MTFMT: variants seen among roughly 807,000 people sequenced by gnomAD.
The protein encoded by MTFMT is methionyl-tRNA formyltransferase, mitochondrial.
Under a neutral mutation model 51.8 loss-of-function variants are expected in MTFMT, and 47 were observed. The ratio of observed to expected loss-of-function variants is 0.91; its 90% confidence interval spans 0.72 to 1.16. The LOEUF is 1.16. Ranked by LOEUF, MTFMT falls within the 50% of genes most tolerant of loss-of-function variation. The pLI, the probability that MTFMT is intolerant of heterozygous loss-of-function variation, is 0.00. For missense variants in MTFMT, 512 were observed against 482.3 expected, an observed-to-expected ratio of 1.06 and a Z score of -0.58; for synonymous variants, 196 against 176.7, an observed-to-expected ratio of 1.11 and a Z score of -0.87.
At chr15:65,008,547 A>G (rs958166959) in intron 6 of MTFMT, among the ~76,000 whole-genome samples, 2 of 152,240 alleles carry the variant, frequency 1.3e-5, no homozygotes, top group African/African-American at 4.8e-5. Flanking sequence ...CCAGCTAGTT[A>G]GTAGCAAAGC....
chr15:65,026,729 TATTAC>T, intron 2 of MTFMT, 97 bp downstream of exon 2: 1 of 915,520 alleles, frequency 1.1e-6, no homozygotes, highest in Non-Finnish European at 1.6e-6. Flanking sequence ...AAAAAGAAAA[TATTAC>T]AGAAAGCATA....
chr15:65,020,531 T>A (rs1219997507), intron 4 of MTFMT, among the ~76,000 whole-genome samples: 11 of 152,238 alleles, frequency 7.2e-5, no homozygotes. Flanking sequence ...GTAGAGATTC[T>A]GCTTTCTGTA....
intron 2 of MTFMT, 96 bp from the exon 3 acceptor site, chr15:65,023,890 C>A (rs1327180603): frequency 8.4e-7 from 1 of 1,193,194 alleles, no homozygotes; most frequent in Non-Finnish European, 1.1e-6. Flanking sequence ...AGGAAACTTT[C>A]CCAGAAATTT....
intron 2 of MTFMT, among the ~76,000 whole-genome samples, chr15:65,024,421 T>A (rs1052575465): frequency 6.6e-6 from 1 of 152,184 alleles, no homozygotes; most frequent in African/African-American, 2.4e-5. Flanking sequence ...CTATTATGCA[T>A]CTCATGAACA....
chr15:65,006,710 A>G (rs1214885061), intron 6 of MTFMT, among the ~76,000 whole-genome samples: 1 of 152,168 alleles, frequency 6.6e-6, no homozygotes, highest in Non-Finnish European at 1.5e-5. Flanking sequence ...TTTAAAATCA[A>G]TGTTTATATC....
chr15:65,009,410 GT>G (rs1422314598), intron 6 of MTFMT, among the ~76,000 whole-genome samples: 2 of 152,234 alleles, frequency 1.3e-5, no homozygotes, highest in African/African-American at 4.8e-5. Flanking sequence ...CTTCCCAAAT[GT>G]TCCTCCCCAG....
intron 6 of MTFMT, among the ~76,000 whole-genome samples, chr15:65,013,439 T>C (rs2086287350): frequency 6.6e-6 from 1 of 152,138 alleles, no homozygotes; most frequent in Non-Finnish European, 1.5e-5. Context: ...TGATGTTAGT[T>C]ACAGGGTCTT....
intron 7 of MTFMT, 59 bp from the exon 8 acceptor site, chr15:65,004,995 A>C: frequency 8.4e-7 from 1 of 1,191,450 alleles, no homozygotes; most frequent in Non-Finnish European, 1.2e-6. Context: ...GCAACTTCAT[A>C]GTACTTCTTA....
At chr15:65,017,202 T>A (rs1419832360) in intron 5 of MTFMT, among the ~76,000 whole-genome samples, 1 of 151,442 alleles carries the variant, frequency 6.6e-6, no homozygotes, top group Admixed American at 6.6e-5. Flanking sequence ...TTATGAAATA[T>A]AAGTACTCAA....
At chr15:65,017,134 C>T (rs1475897650) in intron 5 of MTFMT, among the ~76,000 whole-genome samples, 1 of 141,384 alleles carries the variant, frequency 7.1e-6, no homozygotes, top group Non-Finnish European at 1.6e-5. Context: ...TAAGTTAAAT[C>T]AAAAAACAAA....
rs1415991507 is a variant in MTFMT at position 65,016,476 on chromosome 15, G to A, written c.773C>T (p.Ser258Leu). The change falls in exon 6 of 9, where the codon TCA (serine) becomes TTA (leucine). Residue 258 changes from serine (S) to leucine (L), a missense_variant. Ser to Leu is a moderately radical substitution (Grantham distance 145, BLOSUM62 -2). Coordinates refer to ENST00000220058, the MANE Select transcript of MTFMT (RefSeq NM_139242.4). ...TSCIKWEEQT[S>L]EQIFRLYRAI... is the part of the protein sequence containing the mutation. ...ACGGTAAAGTCTGAATATTTGTTCTGAAGTTTGTTCCTCCCATTTTATACA... is the reference window on the plus strand; with the variant it reads ...ACGGTAAAGTCTGAATATTTGTTCTAAAGTTTGTTCCTCCCATTTTATACA... 6.2e-7 allele frequency: 1 copy of A among 1,612,380 alleles called. No individual in the cohort carries two copies. Among genetic ancestry groups the A allele is most frequent in the Non-Finnish European group, 8.5e-7 (1 of 1,178,984 alleles).
At chr15:65,014,625 CT>C (rs974654085) in intron 6 of MTFMT, among the ~76,000 whole-genome samples, 270 of 134,762 alleles carry the variant, frequency 2.0e-3, no homozygotes, top group South Asian at 2.4e-3. Flanking sequence ...CATGCCCGGT[CT>C]TTTTTTTTTT....
At chr15:65,019,973 A>C (rs1222466171) in intron 5 of MTFMT, among the ~76,000 whole-genome samples, 1 of 152,212 alleles carries the variant, frequency 6.6e-6, no homozygotes, top group African/African-American at 2.4e-5. Context: ...CTTTCTATTT[A>C]ATATTTTCAA....
intron 4 of MTFMT, among the ~76,000 whole-genome samples, chr15:65,021,275 T>C (rs2086372208): frequency 1.3e-5 from 2 of 152,250 alleles, no homozygotes; most frequent in African/African-American, 2.4e-5. Context: ...TGGCATGTAG[T>C]AGGTCATGTA....
intron 6 of MTFMT, among the ~76,000 whole-genome samples, chr15:65,013,961 ACAAAAAACAAAACC>A (rs2086293579): frequency 6.6e-6 from 1 of 152,014 alleles, no homozygotes; most frequent in Non-Finnish European, 1.5e-5. Context: ...AAAACAAAAA[ACAAAAAACAAAACC>A]CAAAAAACAA....
Position 65,003,344 on chromosome 15 carries a change from GAAAC to G in MTFMT, c.976-92_976-89del, listed in dbSNP as rs1026154491. The G allele has an allele frequency of 1.4e-4, 139 of 1,023,812 alleles. 1 individual carries two copies. Among genetic ancestry groups the G allele is most frequent in the South Asian group, 4.6e-5 (3 of 65,516 alleles). The allele number at this position is 1,023,812 out of a possible 1,614,324, so 63.4% of individuals were successfully genotyped here. On this transcript the variant is annotated intron_variant, in intron 8 of 8. Coordinates refer to ENST00000220058, the MANE Select transcript of MTFMT (RefSeq NM_139242.4). Reference sequence around the variant, plus strand: ...ATTAGTTTATAAAATTTTTATCATGGAAACAAACAAACCAACAAATCTTTACTAA... The same window carrying G: ...ATTAGTTTATAAAATTTTTATCATGGAAACAAACCAACAAATCTTTACTAA...
intron 6 of MTFMT, among the ~76,000 whole-genome samples, chr15:65,009,498 A>G (rs1477504788): frequency 6.6e-6 from 1 of 152,186 alleles, no homozygotes; most frequent in Non-Finnish European, 1.5e-5. Flanking sequence ...ATCCTAATTT[A>G]TCTATCTCTA....
intron 6 of MTFMT, among the ~76,000 whole-genome samples, chr15:65,006,982 G>A (rs1488115364): frequency 6.6e-6 from 1 of 152,126 alleles, no homozygotes; most frequent in Non-Finnish European, 1.5e-5. Flanking sequence ...ACATGTCCAT[G>A]GTGAAAAGTT....
At chr15:65,017,722 T>C (rs947618492) in intron 5 of MTFMT, among the ~76,000 whole-genome samples, 1 of 151,972 alleles carries the variant, frequency 6.6e-6, no homozygotes, top group African/African-American at 2.4e-5. Context: ...TGCTTGAGCC[T>C]GGGAGGTTGA....
Sources: allele counts gnomAD v4.1 joint callset (sites outside exome capture counted in the v4.1 genomes callset), GRCh38; gene constraint gnomAD v4.1.1; transcripts MANE v1.5; gene names NCBI Gene and HGNC (gene_info 2026-07-23, HGNC 2026-07-21).